DHTKD1: variants seen among roughly 807,000 people sequenced by gnomAD.
DHTKD1 encodes 2-oxoadipate dehydrogenase complex component E1.
A neutral mutation model predicts 101.8 loss-of-function variants in DHTKD1; 78 were observed. The ratio of observed to expected loss-of-function variants is 0.77; its 90% CI spans 0.64 to 0.93. The LOEUF is 0.93. Among genes scored for constraint, DHTKD1 ranks in the 40% least tolerant of loss-of-function variants. The pLI, the probability that DHTKD1 is intolerant of heterozygous loss-of-function variation, is 0.00. For missense variants in DHTKD1, 1,223 were observed against 1,161.7 expected (o/e 1.05, Z -0.77); for synonymous variants, 462 against 450.3 (o/e 1.03, Z -0.33).
intron 3 of DHTKD1, among the ~76,000 whole-genome samples, chr10:12,085,704 C>G (rs1832886759): frequency 6.6e-6 from 1 of 152,054 alleles, no homozygotes; most frequent in Middle Eastern, 3.2e-3. Context: ...CATGGTGAAA[C>G]CCCGTGTCTA....
intron 1 of DHTKD1, among the ~76,000 whole-genome samples, chr10:12,076,888 C>G (rs947429508): frequency 2.0e-5 from 3 of 148,302 alleles, no homozygotes; most frequent in Non-Finnish European, 4.4e-5. Context: ...GATCTCCTGA[C>G]CTTGTGATCC....
At chr10:12,081,025 G>A (rs1285336235) in intron 1 of DHTKD1, among the ~76,000 whole-genome samples, 1 of 152,018 alleles carries the variant, frequency 6.6e-6, no homozygotes, top group Non-Finnish European at 1.5e-5. Flanking sequence ...TCTTGGCCGG[G>A]TGCGGTGGCT....
intron 8 of DHTKD1, among the ~76,000 whole-genome samples, chr10:12,098,422 A>G (rs550153201): frequency 6.6e-6 from 1 of 152,328 alleles, no homozygotes; most frequent in South Asian, 2.1e-4. Context: ...GGATCACTAT[A>G]GGATGACAAA....
rs768938204 is a variant in DHTKD1, at chr10:12,120,805, C to A, written c.2677C>A (p.Pro893Thr). ...CTTATAGCTCCGTCTGGTGGGCCGGCCCCCTTTGCCAGTACCCGCTGTAGG... is the reference window on the plus strand; with the variant it reads ...CTTATAGCTCCGTCTGGTGGGCCGGACCCCTTTGCCAGTACCCGCTGTAGG... ...LACKLRLVGR[P>T]PLPVPAVGIG... Residue 893 changes from proline to threonine, a missense_variant, in exon 17 of 17, where the codon CCC becomes ACC. By Grantham distance (38) the Pro-to-Thr change is conservative. Transcript: ENST00000263035. The A allele has an allele frequency of 6.2e-7, 1 of 1,614,006 alleles. No homozygotes were observed.
chr10:12,085,377 G>A (rs7081227), intron 3 of DHTKD1, among the ~76,000 whole-genome samples: 112,280 of 152,064 alleles, frequency 0.74, 42,183 homozygotes, highest in South Asian at 0.88. Flanking sequence ...TAAATCCCTC[G>A]TTACTTCAAC....
chr10:12,100,632 GTTTA>G (rs1024985601), intron 9 of DHTKD1, among the ~76,000 whole-genome samples: 1 of 152,118 alleles, frequency 6.6e-6, no homozygotes, highest in Non-Finnish European at 1.5e-5. Context: ...TACCTTTGCA[GTTTA>G]TTTGAGTTAT....
intron 2 of DHTKD1, among the ~76,000 whole-genome samples, chr10:12,083,076 T>A (rs1041779426): frequency 1.3e-5 from 2 of 151,790 alleles, no homozygotes; most frequent in African/African-American, 2.4e-5. Context: ...TAGCAAGGCG[T>A]GAAGCCGGGA....
chr10:12,111,357 G>T (rs915567239), intron 12 of DHTKD1, among the ~76,000 whole-genome samples: 17 of 152,128 alleles, frequency 1.1e-4, no homozygotes, highest in African/African-American at 4.1e-4. Context: ...GTAGAGATGG[G>T]GTTTCACCAT....
intron 10 of DHTKD1, among the ~76,000 whole-genome samples, chr10:12,101,480 G>A (rs530644006): frequency 6.6e-6 from 1 of 152,306 alleles, no homozygotes; most frequent in East Asian, 1.9e-4. Flanking sequence ...ATTCATTAAA[G>A]TTAGTCAAAG....
rs949746417 is a variant in DHTKD1, at chr10:12,111,363, A to G, written c.2155-1537A>G. Among the ~76,000 whole-genome samples, 6 of 152,054 alleles carry G rather than the reference A, an allele frequency of 3.9e-5. No homozygotes were observed. The East Asian group carries it at 1.2e-3, about 29-fold the overall frequency. ...GTATTTTTAGTAGAGATGGGGTTTC[A>G]CCATGTTGACCAGGCTGCTCTTGAA... On this transcript the variant is annotated intron_variant, in intron 12 of 16. Transcript: ENST00000263035.
At chr10:12,086,110 C>T (rs1447221191) in intron 3 of DHTKD1, among the ~76,000 whole-genome samples, 1 of 151,330 alleles carries the variant, frequency 6.6e-6, no homozygotes, top group East Asian at 1.9e-4. Flanking sequence ...CTTCATGATC[C>T]ACCCGCCTCG....
In DHTKD1 at chr10:12,074,493, C is replaced by T. The variant is rs549215269; in HGVS notation, c.154+5306C>T. ...GCTTCAGCCTCCCATGTAGCCAAGA[C>T]TACAGGTGCCCGCCACCATGCCCGG... On this transcript the variant is annotated intron_variant, in intron 1 of 16. Transcript: ENST00000263035. 5.3e-5 allele frequency among the ~76,000 whole-genome samples: 8 copies of T among 152,124 alleles called. No homozygotes were observed. In the South Asian group the frequency reaches 1.5e-3, roughly 28 times the overall value.
In DHTKD1 at chr10:12,120,953, C is replaced by T. The variant is rs1193148149; in HGVS notation, c.*65C>T. On this transcript the variant is annotated 3_prime_UTR_variant, in exon 17 of 17. Coordinates refer to ENST00000263035, the MANE Select transcript of DHTKD1 (RefSeq NM_018706.7). ...TGGCCATTAAGGCCGGGTGGGGTGG[C>T]ACATGCCTGTAATCCCAGCACTTTG... is the stretch of plus-strand genomic sequence containing the variant. 46 of 1,453,280 alleles carry T rather than the reference C, an allele frequency of 3.2e-5. No homozygotes were observed. Among genetic ancestry groups the T allele is most frequent in the Non-Finnish European group, 3.9e-5 (41 of 1,053,170 alleles). 90.0% of individuals were successfully genotyped at this position (1,453,280 alleles called of 1,614,324 possible).
At chr10:12,077,225 G>GTTTTTT (rs1198655890) in intron 1 of DHTKD1, among the ~76,000 whole-genome samples, 1 of 150,094 alleles carries the variant, frequency 6.7e-6, no homozygotes, top group African/African-American at 2.4e-5. Flanking sequence ...TTCATTAAGT[G>GTTTTTT]TTTTTTGTTT....
At chr10:12,112,466 T>C (rs1289409585) in intron 12 of DHTKD1, among the ~76,000 whole-genome samples, 5 of 151,654 alleles carry the variant, frequency 3.3e-5, no homozygotes, top group African/African-American at 9.7e-5. Flanking sequence ...ACCTTTCTAT[T>C]AGCTGCTTTT....
In DHTKD1 at chr10:12,088,193, C is replaced by T. The variant is rs191195435; in HGVS notation, c.717+464C>T. Among the ~76,000 whole-genome samples the T allele has an allele frequency of 3.4e-3, 512 of 152,246 alleles. 3 individuals are homozygous for T. The highest frequency in any genetic ancestry group is 0.012 in the African/African-American group (485 of 41,570). On this transcript the variant is annotated intron_variant, in intron 4 of 16. Coordinates refer to ENST00000263035, the MANE Select transcript of DHTKD1 (RefSeq NM_018706.7). ...TCAACTAAGGCTGGGCAAGGTGGCT[C>T]ATACCTGCAATCCCAGCACTTTGGG... is the stretch of plus-strand genomic sequence containing the variant.
At chr10:12,106,666 G>T (rs906749952) in intron 11 of DHTKD1, among the ~76,000 whole-genome samples, 4 of 152,138 alleles carry the variant, frequency 2.6e-5, no homozygotes, top group Non-Finnish European at 5.9e-5. Context: ...ATGAAAACCC[G>T]CTCCAGTGTC....
chr10:12,113,237 G>A (rs1298599285), intron 13 of DHTKD1, among the ~76,000 whole-genome samples, 173 bp downstream of exon 13: 10 of 151,894 alleles, frequency 6.6e-5, no homozygotes, highest in East Asian at 1.9e-4. Flanking sequence ...TTGCTCTGTC[G>A]CCCAGGCTGG....
At chr10:12,093,708 C>T (rs1438763551) in intron 6 of DHTKD1, among the ~76,000 whole-genome samples, 1 of 152,244 alleles carries the variant, frequency 6.6e-6, no homozygotes, top group East Asian at 1.9e-4. Context: ...CCTTTTATCT[C>T]AGGGAGAAAG....
Sources: gnomAD v4.1 joint callset for allele counts (sites outside exome capture counted in the v4.1 genomes callset) on GRCh38, gnomAD v4.1.1 for gene constraint, MANE v1.5 for transcripts, NCBI Gene and HGNC (gene_info 2026-07-23, HGNC 2026-07-21) for gene names.